LIPN: variants seen among roughly 807,000 people sequenced by gnomAD.
LIPN encodes the protein lipase family member N, also known as lipase member N.
Under a neutral mutation model 43.7 loss-of-function variants are expected in LIPN, and 32 were observed. That is an observed-to-expected ratio of 0.73 (90% confidence interval 0.55 to 0.98). The LOEUF (loss-of-function observed/expected upper bound fraction) is 0.98, where lower values mean the gene tolerates loss of function less well. Ranked by LOEUF, LIPN falls within the 50% of genes least tolerant of loss-of-function variation. The probability of loss-of-function intolerance (pLI) is 0.00; values close to 1 mark genes in which losing one functional copy is unlikely to be tolerated. For synonymous variants in LIPN, 156 were observed against 157.6 expected (o/e 0.99, Z 0.08); for missense variants, 505 against 483.8 (o/e 1.04, Z -0.41).
In LIPN at chr10:88,767,490, A is replaced by C. The variant is rs76158158; in HGVS notation, c.535+1112A>C. On this transcript the variant is annotated intron_variant, in intron 5 of 9. Coordinates refer to ENST00000404459, the MANE Select transcript of LIPN (RefSeq NM_001102469.2). Reference sequence around the variant, plus strand: ...ATTATCCCCATCTCATAGAAGAAGAAACACAAGTTCAGAACACAGATTCAA... The same window carrying C: ...ATTATCCCCATCTCATAGAAGAAGACACACAAGTTCAGAACACAGATTCAA... 8.5e-3 allele frequency among the ~76,000 whole-genome samples: 1,288 copies of C among 151,796 alleles called. 48 individuals carry two copies. Among genetic ancestry groups the C allele is most frequent in the East Asian group, 0.072 (368 of 5,128 alleles).
At chr10:88,762,988 C>G (rs1036865841) in intron 3 of LIPN, among the ~76,000 whole-genome samples, 1 of 152,004 alleles carries the variant, frequency 6.6e-6, no homozygotes, top group East Asian at 1.9e-4. Flanking sequence ...ACCAAAATAT[C>G]TGCAATGGTT....
rs402781 is a variant in LIPN, at chr10:88,766,622, C to T, written c.535+244C>T. Among the ~76,000 whole-genome samples, 29,384 of 151,784 alleles carry T rather than the reference C, an allele frequency of 0.19. 2,852 individuals carry two copies. The highest frequency in any genetic ancestry group is 0.21 in the Admixed American group (3,173 of 15,200). ...CAGCATATTGACTACGGTGATGCAA[C>T]TTCCCAGGAATAACATGTGTTCCAA... On this transcript the variant is annotated intron_variant, in intron 5 of 9. Coordinates refer to ENST00000404459, the MANE Select transcript of LIPN (RefSeq NM_001102469.2).
chr10:88,775,057 C>G lies in LIPN; in HGVS notation c.892-35C>G, dbSNP rs1339781. On this transcript the variant is annotated intron_variant, in intron 8 of 9. Coordinates refer to ENST00000404459, the MANE Select transcript of LIPN (RefSeq NM_001102469.2). ...GCTGTTAGCTTTCATGATTCTTACC[C>G]TAACTATTCTTTTTCTAAAAAACAT... is the stretch of plus-strand genomic sequence containing the variant. 47 of 1,405,546 alleles carry G rather than the reference C, an allele frequency of 3.3e-5. No homozygotes were observed. In the South Asian group the frequency reaches 5.5e-4, roughly 17 times the overall value. 87.1% of individuals were successfully genotyped at this position (1,405,546 alleles called of 1,614,324 possible). A position where few individuals can be genotyped will look rare whatever the true frequency, so the allele number is the denominator to read the frequency against.
rs1198746074 is a variant in LIPN, at chr10:88,778,070, G to A, written c.1025G>A (p.Gly342Glu). ...GTGCCTACTGCTATTTGGGCTGGTG[G>A]ACATGATGTCCTCGTAACACCCCAG... Reference protein sequence around the residue: ...MKVPTAIWAGGHDVLVTPQDV... With the variant: ...MKVPTAIWAGEHDVLVTPQDV... The change falls in exon 10 of 10, where the codon GGA becomes GAA. Residue 342 changes from glycine to glutamate, a missense_variant. Gly to Glu is a moderately conservative substitution (Grantham distance 98). Coordinates refer to ENST00000404459, the MANE Select transcript of LIPN (RefSeq NM_001102469.2). 6.2e-7 allele frequency: 1 copy of A among 1,613,588 alleles called. No individual in the cohort carries two copies. Among genetic ancestry groups the A allele is most frequent in the Non-Finnish European group, 8.5e-7 (1 of 1,179,684 alleles).
At chr10:88,759,294 C>G (rs1281028558), upstream of LIPN, among the ~76,000 whole-genome samples, 1 of 152,110 alleles carries the variant, frequency 6.6e-6, no homozygotes, top group Non-Finnish European at 1.5e-5. Context: ...CTTAGTTTTC[C>G]CTACCCTTCT....
At position 88,778,318 on chromosome 10, in the gene LIPN, A is replaced by C; in HGVS notation, c.*76A>C. 5.7e-6 allele frequency: 6 copies of C among 1,053,414 alleles called. No homozygotes were observed. The highest frequency in any genetic ancestry group is 1.5e-5 in the South Asian group (1 of 67,356). The allele number at this position is 1,053,414 out of a possible 1,614,324, so 65.3% of individuals were successfully genotyped here. On this transcript the variant is annotated 3_prime_UTR_variant, in exon 10 of 10. Transcript: ENST00000404459. ...ACTTTAGAAAAAATAGTAACCAACA[A>C]TGAGGTTGTCCCCCAGCACCCTGGG...
At position 88,770,826 on chromosome 10, in the gene LIPN, T is replaced by C; in HGVS notation, c.673-19T>C. On this transcript the variant is annotated intron_variant, in intron 6 of 9. Coordinates refer to ENST00000404459, the MANE Select transcript of LIPN (RefSeq NM_001102469.2). ...AATATTTTATCTCATTCAAAGATAA[T>C]TATTATTTACTTTCATAGGCTGTTT... 1 of 1,395,714 alleles carries C rather than the reference T, an allele frequency of 7.2e-7. No homozygotes were observed. Among genetic ancestry groups the C allele is most frequent in the Non-Finnish European group, 9.8e-7 (1 of 1,019,672 alleles). 86.5% of individuals were successfully genotyped at this position (1,395,714 alleles called of 1,614,324 possible).
intron 2 of LIPN, among the ~76,000 whole-genome samples, chr10:88,761,747 C>G (rs548837614): frequency 2.0e-5 from 2 of 99,476 alleles, no homozygotes; most frequent in Non-Finnish European, 3.7e-5. Flanking sequence ...ATCTATCTAT[C>G]TATCTATCTA....
chr10:88,770,594 G>A (rs1489008921), intron 6 of LIPN, among the ~76,000 whole-genome samples: 1 of 151,696 alleles, frequency 6.6e-6, no homozygotes, highest in Non-Finnish European at 1.5e-5. Context: ...TGAATAATTT[G>A]GTCTCCTTGA....
upstream of LIPN, among the ~76,000 whole-genome samples, chr10:88,759,626 C>T (rs554651054): frequency 7.2e-5 from 11 of 152,224 alleles, no homozygotes; most frequent in South Asian, 2.3e-3. Flanking sequence ...CAGTCACGCA[C>T]ATCCCTACGC....
At chr10:88,776,275 A>G (rs990336129) in intron 9 of LIPN, among the ~76,000 whole-genome samples, 2 of 152,054 alleles carry the variant, frequency 1.3e-5, no homozygotes, top group Non-Finnish European at 2.9e-5. Context: ...GAAAGAAGAA[A>G]AGAAGTGGAT....
intron 9 of LIPN, among the ~76,000 whole-genome samples, chr10:88,775,411 T>C (rs1409077321): frequency 6.6e-6 from 1 of 151,984 alleles, no homozygotes; most frequent in East Asian, 1.9e-4. Flanking sequence ...AACATTTTGG[T>C]GTATTTATTC....
chr10:88,768,669 T>C, intron 5 of LIPN, 123 bp from the exon 6 acceptor site: 1 of 692,176 alleles, frequency 1.4e-6, no homozygotes, highest in Non-Finnish European at 2.4e-6. Flanking sequence ...TCAGAAGACT[T>C]CCAATTCATC....
In LIPN at chr10:88,778,285, C is replaced by G; in HGVS notation, c.*43C>G. 6.9e-7 allele frequency: 1 copy of G among 1,451,040 alleles called. No homozygotes were observed. Among genetic ancestry groups the G allele is most frequent in the Non-Finnish European group, 9.5e-7 (1 of 1,057,772 alleles). The allele number at this position is 1,451,040 out of a possible 1,614,324, so 89.9% of individuals were successfully genotyped here. On this transcript the variant is annotated 3_prime_UTR_variant, in exon 10 of 10. Coordinates refer to ENST00000404459, the MANE Select transcript of LIPN (RefSeq NM_001102469.2). ...TTCAATTAAAAGTTGCTTCCAAGCC[C>G]ATAAGGGACTTTAGAAAAAATAGTA...
intron 4 of LIPN, among the ~76,000 whole-genome samples, 190 bp downstream of exon 4, chr10:88,764,798 C>T (rs1379572287): frequency 6.6e-6 from 1 of 151,958 alleles, no homozygotes; most frequent in Non-Finnish European, 1.5e-5. Context: ...CAAAGTATGG[C>T]ATTTCAACAA....
chr10:88,777,226 T>C (rs1843310210), intron 9 of LIPN, among the ~76,000 whole-genome samples: 1 of 152,096 alleles, frequency 6.6e-6, no homozygotes, highest in South Asian at 2.1e-4. Flanking sequence ...CATAACACAA[T>C]GATTTCTGAT....
rs746478737 is a variant in LIPN at position 88,764,509 on chromosome 10, A to C, written c.326A>C (p.Asp109Ala). 6.2e-6 allele frequency: 10 copies of C among 1,612,412 alleles called. No individual in the cohort carries two copies. Among genetic ancestry groups the C allele is most frequent in the Non-Finnish European group, 7.6e-6 (9 of 1,179,028 alleles). The change falls in exon 4 of 10, where the codon GAT (aspartate) becomes GCT (alanine). Residue 109 changes from aspartate to alanine, a missense_variant. Physicochemically the swap from Asp to Ala is moderately radical, Grantham distance 126. Coordinates refer to ENST00000404459, the MANE Select transcript of LIPN (RefSeq NM_001102469.2). ...GGAAGCCTTGGATTCCTTCTAGCAG[A>C]TGCAGGTTATGATGTATGGATGGGA... ...ANGSLGFLLA[D>A]AGYDVWMGNS...
At chr10:88,764,654 T>A (rs1426043523) in intron 4 of LIPN, 46 bp downstream of exon 4, 16 of 1,374,656 alleles carry the variant, frequency 1.2e-5, no homozygotes, top group Admixed American at 2.2e-5. Context: ...GGAGGCAATT[T>A]AAAAAAAATA....
chr10:88,776,464 G>A (rs949887347), intron 9 of LIPN, among the ~76,000 whole-genome samples: 5 of 152,026 alleles, frequency 3.3e-5, no homozygotes, highest in African/African-American at 1.2e-4. Context: ...GAGTGTTAAT[G>A]TCCTTAGAAT....
Sources: allele counts gnomAD v4.1 joint callset (sites outside exome capture counted in the v4.1 genomes callset), GRCh38; gene constraint gnomAD v4.1.1; transcripts MANE v1.5; gene names NCBI Gene and HGNC (gene_info 2026-07-23, HGNC 2026-07-21).